Variants in KLHL29 observed in about 807,000 individuals in gnomAD.
The protein encoded by KLHL29 is kelch-like protein 29.
Under a neutral mutation model 80.4 loss-of-function variants are expected in KLHL29, and 21 were observed. That is an observed-to-expected ratio of 0.26 (90% CI 0.19 to 0.38). KLHL29 has a LOEUF of 0.38. Among genes scored for constraint, KLHL29 ranks in the 10% least tolerant of loss-of-function variants. The pLI is 1.00. For missense variants in KLHL29, 867 were observed against 1,223.9 expected (o/e 0.71, Z 4.35); for synonymous variants, 511 against 526.8 (o/e 0.97, Z 0.41).
intron 2 of KLHL29, among the ~76,000 whole-genome samples, chr2:23,531,058 A>G (rs1164748318): frequency 6.6e-6 from 1 of 152,112 alleles, no homozygotes; most frequent in Non-Finnish European, 1.5e-5. Context: ...AAGAAGTGCA[A>G]AGTTCAGGTT....
In KLHL29 at chr2:23,519,795, A is replaced by G. The variant is rs114900848; in HGVS notation, c.-45-42357A>G. Among the ~76,000 whole-genome samples the G allele has an allele frequency of 1.9e-3, 282 of 152,318 alleles. 3 individuals are homozygous for G. The highest frequency in any genetic ancestry group is 3.2e-3 in the Non-Finnish European group (215 of 68,036). On this transcript the variant is annotated intron_variant, in intron 2 of 13. Transcript: ENST00000486442. ...GGAAAGGTGGGACAACTTGAAGCAA[A>G]GGCAGGAAGACCCAAAGTGAGGAGG...
At position 23,681,574 on chromosome 2, in the gene KLHL29, G is replaced by A. The variant is rs796272563; in HGVS notation, c.941-2825G>A. ...GCACTGATTAACTCAGCAGGCATGT[G>A]GGGCCACATCTGTCACTCTCTGCAG... On this transcript the variant is annotated intron_variant, in intron 5 of 13. Coordinates refer to ENST00000486442, the MANE Select transcript of KLHL29 (RefSeq NM_052920.2). The surrounding 1 kb of genome is among the most constrained non-coding windows in gnomAD (Gnocchi z 4.2). Among the ~76,000 whole-genome samples the A allele has an allele frequency of 5.9e-5, 9 of 152,280 alleles. No individual in the cohort carries two copies. The highest frequency in any genetic ancestry group is 2.2e-4 in the African/African-American group (9 of 41,556).
chr2:23,504,716 T>C (rs576365451), intron 2 of KLHL29, among the ~76,000 whole-genome samples: 3 of 152,336 alleles, frequency 2.0e-5, no homozygotes, highest in Admixed American at 6.5e-5. Context: ...TGGATTGGAC[T>C]CAGTAATTCT....
At chr2:23,389,893 G>A (rs749179968) in intron 1 of KLHL29, among the ~76,000 whole-genome samples, 1 of 152,186 alleles carries the variant, frequency 6.6e-6, no homozygotes, top group South Asian at 2.1e-4. Flanking sequence ...TAAAAAATTA[G>A]GTAGCATAAT....
At chr2:23,389,635 C>CA (rs1398227596) in intron 1 of KLHL29, among the ~76,000 whole-genome samples, 1 of 151,144 alleles carries the variant, frequency 6.6e-6, no homozygotes, top group East Asian at 1.9e-4. Context: ...GTTGAGGCTG[C>CA]AGTGAACAGT....
At position 23,597,625 on chromosome 2, in the gene KLHL29, G is replaced by A. The variant is rs185485810; in HGVS notation, c.285+35144G>A. On this transcript the variant is annotated intron_variant, in intron 3 of 13. Transcript: ENST00000486442. ...TCTTTAGTAGAGACGGGGTTTCACC[G>A]TGTCGGCCAGACTGGTTTTGAACTC... is the stretch of plus-strand genomic sequence containing the variant. Among the ~76,000 whole-genome samples the A allele has an allele frequency of 5.6e-3, 847 of 151,410 alleles. 5 individuals are homozygous for A. The highest frequency in any genetic ancestry group is 0.019 in the African/African-American group (792 of 41,218).
chr2:23,609,275 G>A (rs1668800029), intron 3 of KLHL29, among the ~76,000 whole-genome samples: 2 of 152,182 alleles, frequency 1.3e-5, no homozygotes, highest in Non-Finnish European at 2.9e-5. Flanking sequence ...CTGTGTCTAA[G>A]TCGAGGACTA....
intron 1 of KLHL29, among the ~76,000 whole-genome samples, chr2:23,470,704 G>A (rs1313330818): frequency 6.6e-6 from 1 of 152,130 alleles, no homozygotes; most frequent in African/African-American, 2.4e-5. Context: ...TGAAAATAAC[G>A]GATCTCATCA....
intron 3 of KLHL29, among the ~76,000 whole-genome samples, chr2:23,583,901 G>C (rs138449271): frequency 1.3e-5 from 2 of 152,236 alleles, no homozygotes; most frequent in East Asian, 3.9e-4. Context: ...TCTTTATCTT[G>C]TTGTAATTGA....
rs566320961 is a variant in KLHL29, at chr2:23,706,411, G to A, written c.2445-70G>A. The A allele has an allele frequency of 4.4e-5, 56 of 1,265,772 alleles. 1 individual carries two copies. In the East Asian group the frequency reaches 5.3e-4, roughly 12 times the overall value. 78.4% of individuals were successfully genotyped at this position (1,265,772 alleles called of 1,614,324 possible). On this transcript the variant is annotated intron_variant, in intron 13 of 13. Transcript: ENST00000486442. ...CAGGCAGCCTACAACAGGACACGAC[G>A]TTGAGAACCTATCTCCAGGGCCAAG...
intron 3 of KLHL29, among the ~76,000 whole-genome samples, chr2:23,597,405 ATATTTTTTTTTTTTTTTTTT>A (rs1668453545): frequency 7.0e-5 from 2 of 28,692 alleles, no homozygotes; most frequent in South Asian, 3.7e-3. Context: ...ATATATATAT[ATATTTTTTTTTTTTTTTTTT>A]TTTTTTTTTT....
intron 2 of KLHL29, among the ~76,000 whole-genome samples, chr2:23,556,666 CAG>C (rs113797851): frequency 1.3e-5 from 2 of 149,640 alleles, no homozygotes; most frequent in Non-Finnish European, 3.0e-5. Flanking sequence ...AAAAAAAAAA[CAG>C]AAAGACTTCA....
intron 1 of KLHL29, among the ~76,000 whole-genome samples, chr2:23,430,952 T>C (rs890577738): frequency 3.3e-5 from 5 of 152,236 alleles, no homozygotes; most frequent in African/African-American, 1.2e-4. Context: ...TTGGTTTACA[T>C]TTACTTCTTA....
Position 23,439,151 on chromosome 2 carries a change from G to A in KLHL29, c.-153-36409G>A, listed in dbSNP as rs532293720. Among the ~76,000 whole-genome samples the A allele has an allele frequency of 1.5e-4, 22 of 150,718 alleles. No individual in the cohort carries two copies. In the East Asian group the frequency reaches 3.7e-3, roughly 25 times the overall value. On this transcript the variant is annotated intron_variant, in intron 1 of 13. Coordinates refer to ENST00000486442, the MANE Select transcript of KLHL29 (RefSeq NM_052920.2). ...AGTTTGTATTTCTGTGGGATTGGTG[G>A]TGATATCCCCTTTATCATTTTTTAT...
intron 5 of KLHL29, chr2:23,643,942 G>A (rs575729726): frequency 2.6e-5 from 4 of 152,116 alleles, no homozygotes; most frequent in South Asian, 4.2e-4. Flanking sequence ...ATGGCATTTC[G>A]GGGTGCTCTG....
chr2:23,597,309 A>ATGTGTGTGTGTGTGTGTGTGTGTGTG (rs1217422868), intron 3 of KLHL29, among the ~76,000 whole-genome samples: 2 of 100,520 alleles, frequency 2.0e-5, no homozygotes, highest in African/African-American at 8.2e-5. Flanking sequence ...ATATATATAT[A>ATGTGTGTGTGTGTGTGTGTGTGTGTG]TGTGTGTGTG....
intron 11 of KLHL29, among the ~76,000 whole-genome samples, chr2:23,701,783 CTTTTTTTTGCTTT>C (rs1298753190): frequency 4.2e-5 from 5 of 118,492 alleles, no homozygotes; most frequent in African/African-American, 1.6e-4. Flanking sequence ...GCACACATGG[CTTTTTTTTGCTTT>C]TTTTTTTTTT....
At chr2:23,672,918 G>A (rs1420583742) in intron 5 of KLHL29, 2 of 152,320 alleles carry the variant, frequency 1.3e-5, no homozygotes, top group African/African-American at 4.8e-5. Flanking sequence ...GGAGCATGGG[G>A]AGGTGGGCCC....
chr2:23,689,174 G>T (rs1671422547), intron 6 of KLHL29: 1 of 152,300 alleles, frequency 6.6e-6, no homozygotes, highest in South Asian at 2.1e-4. Flanking sequence ...CTGTGCCTCT[G>T]CGGCCTTTCC....
Sources: gnomAD v4.1 joint callset for allele counts (sites outside exome capture counted in the v4.1 genomes callset) on GRCh38, gnomAD v4.1.1 for gene constraint, Gnocchi (gnomAD v3.1) non-coding constraint, MANE v1.5 for transcripts, NCBI Gene and HGNC (gene_info 2026-07-23, HGNC 2026-07-21) for gene names.